Variants in RGL4 observed in about 807,000 individuals in gnomAD.
RGL4 encodes the protein ral-GDS-related protein.
A neutral mutation model predicts 49.6 loss-of-function variants in RGL4; 41 were observed. The observed-to-expected ratio is 0.83, with a 90% CI of 0.64 to 1.07. The LOEUF (loss-of-function observed/expected upper bound fraction) is 1.07, where lower values mean the gene tolerates loss of function less well. Among genes scored for constraint, RGL4 ranks in the 50% least tolerant of loss-of-function variants. The probability of loss-of-function intolerance (pLI) is 0.00; values close to 1 mark genes in which losing one functional copy is unlikely to be tolerated. For missense variants in RGL4, 610 were observed against 591.9 expected, an observed-to-expected ratio of 1.03 and a Z score of -0.32; for synonymous variants, 255 against 238.0, an observed-to-expected ratio of 1.07 and a Z score of -0.66.
rs140961486 is a variant in RGL4, at chr22:23,695,965, G to C, written c.1087-649G>C. ...TGGCTCAAACCCAGTTTGCGTGGCA[G>C]AGATTCCAGTGGGGCTGGGATAGGC... On this transcript the variant is annotated intron_variant, in intron 6 of 10. Coordinates refer to ENST00000290691, the MANE Select transcript of RGL4 (RefSeq NM_153615.2). 2.0e-5 allele frequency among the ~76,000 whole-genome samples: 3 copies of C among 152,380 alleles called. No individual in the cohort carries two copies. In the East Asian group the frequency reaches 5.8e-4, roughly 29 times the overall value.
At chr22:23,696,726 C>G in intron 7 of RGL4, 38 bp downstream of exon 7, 1 of 1,575,312 alleles carries the variant, frequency 6.3e-7, no homozygotes, top group Non-Finnish European at 8.7e-7. Flanking sequence ...CGCAGGGGAT[C>G]AGAGGACAGG....
At chr22:23,694,478 T>G in intron 5 of RGL4, 28 bp downstream of exon 5, 2 of 1,520,466 alleles carry the variant, frequency 1.3e-6, no homozygotes, top group Non-Finnish European at 1.8e-6. Flanking sequence ...CATGGCAGCA[T>G]CAGGGTTGAC....
At position 23,693,934 on chromosome 22, in the gene RGL4, A is replaced by C; in HGVS notation, c.872A>C (p.Asp291Ala). 6.2e-7 allele frequency: 1 copy of C among 1,613,830 alleles called. No homozygotes were observed. The highest frequency in any genetic ancestry group is 8.5e-7 in the Non-Finnish European group (1 of 1,180,010). Reference protein sequence around the residue: ...CLGDHSMRARDRARVVEHWIK... With the variant: ...CLGDHSMRARARARVVEHWIK... ...GGGGACCACAGCATGAGGGCCCGGG[A>C]CAGGGCCAGGGTGGTGGAGCACTGG... Residue 291 changes from aspartate to alanine, a missense_variant, in exon 4 of 11, where the codon GAC becomes GCC. Transcript: ENST00000290691.
At chr22:23,696,805 C>T (rs1923534179) in intron 7 of RGL4, 117 bp downstream of exon 7, 1 of 865,122 alleles carries the variant, frequency 1.2e-6, no homozygotes. Flanking sequence ...GCCCTGTCCT[C>T]CTGTGGCCAC....
rs950353833 is a variant in RGL4 at position 23,694,383 on chromosome 22, G to GTCA, written c.952_954dup (p.Ile318dup). The GTCA allele has an allele frequency of 4.3e-6, 7 of 1,613,876 alleles. No homozygotes were observed. The highest frequency in any genetic ancestry group is 1.6e-4 in the Middle Eastern group (1 of 6,082). On this transcript the variant is annotated inframe_insertion, in exon 5 of 11. Transcript: ENST00000290691. ...CCTCAACAACTTCTCCTCGGTGCAC[G>GTCA]TCATCGTCTCTGCTCTGTGCAGCAA...
intron 5 of RGL4, chr22:23,694,708 T>C (rs1279842812): frequency 3.4e-6 from 2 of 593,678 alleles, no homozygotes; most frequent in Non-Finnish European, 6.0e-6. Context: ...GCAGTGGAAC[T>C]CTGTGTCCAG....
Position 23,698,142 on chromosome 22 carries a change from C to G in RGL4, c.1261-70C>G. On this transcript the variant is annotated intron_variant, in intron 9 of 10. Coordinates refer to ENST00000290691, the MANE Select transcript of RGL4 (RefSeq NM_153615.2). ...ACTGCCCCAGGGACCAGCCCCTTCT[C>G]CCTGCCTGCCAAAGGCCCCCACAGC... The G allele has an allele frequency of 2.6e-6, 4 of 1,563,370 alleles. No individual in the cohort carries two copies. The South Asian group carries it at 4.7e-5, about 18-fold the overall frequency.
chr22:23,697,553 T>C (rs1380714196), intron 8 of RGL4, among the ~76,000 whole-genome samples: 1 of 152,132 alleles, frequency 6.6e-6, no homozygotes, highest in African/African-American at 2.4e-5. Context: ...GAGGGTGAAA[T>C]TGAGCCTCTC....
At chr22:23,696,399 G>A in intron 6 of RGL4, 2 of 1,506,210 alleles carry the variant, frequency 1.3e-6, no homozygotes, top group Non-Finnish European at 1.8e-6. Context: ...AGGTAGCTGT[G>A]GTTTGCATCA....
At chr22:23,696,542 G>A in intron 6 of RGL4, 72 bp from the exon 7 acceptor site, 9 of 1,609,158 alleles carry the variant, frequency 5.6e-6, no homozygotes, top group Non-Finnish European at 7.6e-6. Context: ...GGGGATCCAA[G>A]TGCGGGGTGG....
Position 23,697,845 on chromosome 22 carries a change from C to G in RGL4, c.1244C>G (p.Thr415Ser). 1 of 1,607,318 alleles carries G rather than the reference C, an allele frequency of 6.2e-7. No individual in the cohort carries two copies. The highest frequency in any genetic ancestry group is 1.3e-5 in the African/African-American group (1 of 74,994). The change falls in exon 9 of 11, where the codon ACC (threonine) becomes AGC (serine). Residue 415 changes from threonine to serine, a missense_variant. Transcript: ENST00000290691. ...SAIPDDLDGN[T>S]NKRSKEVRVL... ...ACTCTGTCTGCCTTCCAGGGCAACA[C>G]CAACAAGAGGAGCAAGGTGAGCAGC...
rs182151142 is a variant in RGL4 at position 23,691,709 on chromosome 22, C to T, written c.-322C>T. 4.7e-5 allele frequency: 13 copies of T among 279,146 alleles called. No individual in the cohort carries two copies. Among genetic ancestry groups the T allele is most frequent in the Non-Finnish European group, 9.0e-5 (13 of 144,570 alleles). 17.3% of individuals were successfully genotyped at this position (279,146 alleles called of 1,614,324 possible). On this transcript the variant is annotated 5_prime_UTR_variant, in exon 1 of 11. Coordinates refer to ENST00000290691, the MANE Select transcript of RGL4 (RefSeq NM_153615.2). The stretch of plus-strand genomic sequence containing the variant: ...TGGGTGGATTTAGGGTTCTGAAGGG[C>T]CTTTTCACCCACAAAACATGGGGGA...
chr22:23,692,804 C>T lies in RGL4; in HGVS notation c.509C>T (p.Ser170Leu). Residue 170 changes from serine (S) to leucine (L), a missense_variant, in exon 3 of 11, where the codon TCA becomes TTA. By Grantham distance (145) the Ser-to-Leu change is moderately radical (BLOSUM62 -2). Transcript: ENST00000290691. ...AALGPPGYLH[S>L]APGPAPAPGE... Reference sequence around the variant, plus strand: ...CTGGGTCCACCAGGATATCTACATTCAGCACCAGGGCCAGCACCAGCACCA... The same window carrying T: ...CTGGGTCCACCAGGATATCTACATTTAGCACCAGGGCCAGCACCAGCACCA... The T allele has an allele frequency of 6.2e-7, 1 of 1,613,650 alleles. No homozygotes were observed.
intron 6 of RGL4, 127 bp downstream of exon 6, chr22:23,695,146 G>T (rs1185770337): frequency 1.4e-6 from 1 of 704,578 alleles, no homozygotes; most frequent in Non-Finnish European, 2.5e-6. Context: ...ACTAAAAGTG[G>T]ACTTGAAAAA....
rs1261908814 is a variant in RGL4 at position 23,693,819 on chromosome 22, C to G, written c.757C>G (p.Leu253Val). 17 of 1,614,092 alleles carry G rather than the reference C, an allele frequency of 1.1e-5. No individual in the cohort carries two copies. Among genetic ancestry groups the G allele is most frequent in the Non-Finnish European group, 1.4e-5 (17 of 1,180,024 alleles). Residue 253 changes from leucine (L) to valine (V), a missense_variant, in exon 4 of 11, where the codon CTG becomes GTG. Leu to Val is a conservative substitution (Grantham distance 32). Transcript: ENST00000290691. ...CLGCIWGQGH[L>V]KGNEHMAPTV... ...GGGCTGCATCTGGGGCCAAGGACAT[C>G]TGAAGGGGAATGAGCACATGGCACC... is the stretch of plus-strand genomic sequence containing the variant.
At position 23,698,229 on chromosome 22, in the gene RGL4, G is replaced by A. The variant is rs377742294; in HGVS notation, c.1278G>A (p.Gln426=). The change falls in exon 10 of 11, where the codon CAG becomes CAA. Residue 426 remains glutamine (Q), a synonymous_variant. Coordinates refer to ENST00000290691, the MANE Select transcript of RGL4 (RefSeq NM_153615.2). ...NKRSKEVRVL[Q]EMQLLQVAAM... ...GTCTCTAGGAGGTCCGAGTTCTGCA[G>A]GAAATGCAGCTGCTCCAAGTGGCTG... 41 of 1,608,068 alleles carry A rather than the reference G, an allele frequency of 2.5e-5. No homozygotes were observed. The highest frequency in any genetic ancestry group is 3.2e-5 in the Non-Finnish European group (38 of 1,175,222).
Position 23,697,184 on chromosome 22 carries a change from T to A in RGL4, c.1175T>A (p.Phe392Tyr). The A allele has an allele frequency of 6.2e-7, 1 of 1,613,306 alleles. No homozygotes were observed. The highest frequency in any genetic ancestry group is 2.2e-5 in the East Asian group (1 of 44,850). Residue 392 changes from phenylalanine (F) to tyrosine (Y), a missense_variant, in exon 8 of 11, where the codon TTC becomes TAC. By Grantham distance (22) the Phe-to-Tyr change is conservative. Transcript: ENST00000290691. ...LRRQKKGVVP[F>Y]LGDFLTELQR... ...TCCTTGGCACAGGGTGTGGTCCCCT[T>A]CCTGGGGGATTTTCTGACTGAGTTA...
At chr22:23,697,031 C>T (rs1923551576) in intron 7 of RGL4, 140 bp from the exon 8 acceptor site, 1 of 709,198 alleles carries the variant, frequency 1.4e-6, no homozygotes, top group Non-Finnish European at 2.5e-6. Flanking sequence ...TCTTTGGCTG[C>T]TCCAACCGGG....
chr22:23,694,923 AC>A (rs1923384103), intron 5 of RGL4, 26 bp from the exon 6 acceptor site: 2 of 1,588,032 alleles, frequency 1.3e-6, no homozygotes, highest in African/African-American at 2.7e-5. Context: ...TCCCAAATTT[AC>A]CCTTCTTTCT....
Sources: allele counts gnomAD v4.1 joint callset (sites outside exome capture counted in the v4.1 genomes callset), GRCh38; gene constraint gnomAD v4.1.1; transcripts MANE v1.5; gene names NCBI Gene and HGNC (gene_info 2026-07-23, HGNC 2026-07-21).